Variants in LMCD1 observed in about 807,000 individuals in gnomAD.
LMCD1 encodes LIM and cysteine rich domains 1.
LMCD1 carries 32 observed loss-of-function variants against 42.7 expected under a neutral mutation model. The ratio of observed to expected loss-of-function variants is 0.75; its 90% CI spans 0.57 to 1.01. The LOEUF (loss-of-function observed/expected upper bound fraction) is 1.01, where lower values mean the gene tolerates loss of function less well. LMCD1 is among the 50% of genes least tolerant of loss of function. The pLI is 0.00. For missense variants in LMCD1, 458 were observed against 483.1 expected (o/e 0.95, Z 0.49); for synonymous variants, 178 against 184.9 (o/e 0.96, Z 0.30).
At position 8,506,456 on chromosome 3, in the gene LMCD1, T is replaced by C. The variant is rs866063623; in HGVS notation, c.42+4476T>C. Among the ~76,000 whole-genome samples the C allele has an allele frequency of 2.6e-5, 4 of 152,118 alleles. No homozygotes were observed. The South Asian group carries it at 8.3e-4, about 32-fold the overall frequency. Reference sequence around the variant, plus strand: ...GAGGGGCTGCACACAGGCTTTTGTGTGTGTCTTTCCTTCCGCCCTTACGCA... The same window carrying C: ...GAGGGGCTGCACACAGGCTTTTGTGCGTGTCTTTCCTTCCGCCCTTACGCA... On this transcript the variant is annotated intron_variant, in intron 1 of 5. Transcript: ENST00000157600.
chr3:8,551,234 G>C (rs1243091763), intron 4 of LMCD1: 1 of 984,312 alleles, frequency 1.0e-6, no homozygotes, highest in African/African-American at 1.7e-5. Flanking sequence ...TATTTGCATT[G>C]ATATACATAG....
intron 1 of LMCD1, among the ~76,000 whole-genome samples, chr3:8,519,510 C>T (rs958848487): frequency 4.6e-5 from 7 of 152,070 alleles, no homozygotes; most frequent in Middle Eastern, 3.2e-3. Flanking sequence ...TTATTTGCAA[C>T]GTGAAGGACC....
At chr3:8,545,553 T>C (rs1300940815) in intron 3 of LMCD1, among the ~76,000 whole-genome samples, 1 of 152,184 alleles carries the variant, frequency 6.6e-6, no homozygotes, top group Non-Finnish European at 1.5e-5. Context: ...ATCTCACTAA[T>C]TTTTTTGTTT....
intron 4 of LMCD1, 82 bp from the exon 5 acceptor site, chr3:8,565,350 A>ATTCT (rs879360180): frequency 2.3e-4 from 287 of 1,252,424 alleles, no homozygotes; most frequent in Admixed American, 4.0e-4. Flanking sequence ...AGGAAGTAGA[A>ATTCT]AGGCTGGAGC....
chr3:8,554,222 T>C (rs1255110089), intron 4 of LMCD1, among the ~76,000 whole-genome samples: 1 of 152,100 alleles, frequency 6.6e-6, no homozygotes, highest in Non-Finnish European at 1.5e-5. Context: ...AGGTTGGGGT[T>C]GTGATACCCA....
intron 1 of LMCD1, among the ~76,000 whole-genome samples, chr3:8,510,812 ATT>A: frequency 6.6e-6 from 1 of 152,316 alleles, no homozygotes; most frequent in South Asian, 2.1e-4. Flanking sequence ...TTTTCTTTGT[ATT>A]TTTATCTTAT....
At chr3:8,563,105 T>C (rs1255314456) in intron 4 of LMCD1, among the ~76,000 whole-genome samples, 1 of 152,224 alleles carries the variant, frequency 6.6e-6, no homozygotes, top group East Asian at 1.9e-4. Flanking sequence ...AAATATTTAT[T>C]GTTCATCTAC....
chr3:8,537,883 T>C (rs1264305088), intron 3 of LMCD1, among the ~76,000 whole-genome samples: 1 of 152,192 alleles, frequency 6.6e-6, no homozygotes, highest in Non-Finnish European at 1.5e-5. Flanking sequence ...TGCTGAAACC[T>C]ATTGGTCTTA....
chr3:8,531,840 GC>G (rs1178097799), intron 1 of LMCD1, among the ~76,000 whole-genome samples: 3 of 152,154 alleles, frequency 2.0e-5, no homozygotes, highest in African/African-American at 4.8e-5. Context: ...AGTTGATTGA[GC>G]CCTGCTTCAG....
At chr3:8,521,264 G>T (rs1449404069) in intron 1 of LMCD1, among the ~76,000 whole-genome samples, 1 of 152,148 alleles carries the variant, frequency 6.6e-6, no homozygotes, top group Non-Finnish European at 1.5e-5. Flanking sequence ...TCAACAAGGA[G>T]CCCGTGTCCT....
chr3:8,501,881 G>A lies in LMCD1; in HGVS notation c.-58G>A. Reference sequence around the variant, plus strand: ...CCATTCAGCCGCCGCTGTCCCCGCTGCGCGCCCTCGCGCCTCTGCCTGAGA... The same window carrying A: ...CCATTCAGCCGCCGCTGTCCCCGCTACGCGCCCTCGCGCCTCTGCCTGAGA... On this transcript the variant is annotated 5_prime_UTR_variant, in exon 1 of 6. Coordinates refer to ENST00000157600, the MANE Select transcript of LMCD1 (RefSeq NM_014583.4). 1 of 1,524,514 alleles carries A rather than the reference G, an allele frequency of 6.6e-7. No homozygotes were observed. Among genetic ancestry groups the A allele is most frequent in the Non-Finnish European group, 8.9e-7 (1 of 1,123,072 alleles). The allele number at this position is 1,524,514 out of a possible 1,614,324, so 94.4% of individuals were successfully genotyped here.
chr3:8,545,322 A>C (rs1248435643), intron 3 of LMCD1, among the ~76,000 whole-genome samples: 1 of 152,216 alleles, frequency 6.6e-6, no homozygotes, highest in African/African-American at 2.4e-5. Flanking sequence ...GCAAATCTAA[A>C]ATGATCATCT....
chr3:8,537,823 C>T (rs1463989180), intron 3 of LMCD1, among the ~76,000 whole-genome samples: 1 of 152,174 alleles, frequency 6.6e-6, no homozygotes, highest in African/African-American at 2.4e-5. Context: ...GGGATATGCC[C>T]TTTGCAAACC....
intron 4 of LMCD1, among the ~76,000 whole-genome samples, chr3:8,553,476 G>A (rs370722424): frequency 4.6e-4 from 70 of 152,338 alleles, no homozygotes; most frequent in African/African-American, 1.7e-3. Flanking sequence ...TGGTGGCCAG[G>A]TTGCAGGACA....
At chr3:8,502,982 T>C (rs1244685744) in intron 1 of LMCD1, among the ~76,000 whole-genome samples, 1 of 152,160 alleles carries the variant, frequency 6.6e-6, no homozygotes, top group African/African-American at 2.4e-5. Context: ...CCTGCCACTT[T>C]TTAACTGCAC....
chr3:8,525,165 C>G lies in LMCD1; in HGVS notation c.43-7572C>G, dbSNP rs528979624. On this transcript the variant is annotated intron_variant, in intron 1 of 5. Transcript: ENST00000157600. ...ACTTACTCATCCTGCCTAATTGAAACTTTGTACCCTTTGACCAACATCCTC... is the reference window on the plus strand; with the variant it reads ...ACTTACTCATCCTGCCTAATTGAAAGTTTGTACCCTTTGACCAACATCCTC... Among the ~76,000 whole-genome samples, 445 of 152,316 alleles carry G rather than the reference C, an allele frequency of 2.9e-3. 1 individual carries two copies. Among genetic ancestry groups the G allele is most frequent in the African/African-American group, 9.7e-3 (405 of 41,576 alleles).
chr3:8,570,462 C>CA lies in LMCD1; in HGVS notation c.*2865dup, dbSNP rs1695195180. The stretch of plus-strand genomic sequence containing the variant: ...TCCCACAACAGTCCCCATGGGGCAC[C>CA]ACCCAGCACCTGCCCCTGCCTTTCT... On this transcript the variant is annotated 3_prime_UTR_variant, in exon 6 of 6. Transcript: ENST00000157600. 6.6e-6 allele frequency: 1 copy of CA among 152,382 alleles called. No homozygotes were observed. The highest frequency in any genetic ancestry group is 2.4e-5 in the African/African-American group (1 of 41,446). The allele number at this position is 152,382 out of a possible 1,614,324, so 9.4% of individuals were successfully genotyped here. A position where few individuals can be genotyped will look rare whatever the true frequency, so the allele number is the denominator to read the frequency against.
intron 1 of LMCD1, among the ~76,000 whole-genome samples, chr3:8,524,812 G>A (rs1559347961): frequency 6.6e-6 from 1 of 151,840 alleles, no homozygotes; most frequent in African/African-American, 2.4e-5. Context: ...AGCCTCCTGA[G>A]TAGCTGGGAC....
At chr3:8,525,034 T>G (rs1388334455) in intron 1 of LMCD1, among the ~76,000 whole-genome samples, 1 of 152,168 alleles carries the variant, frequency 6.6e-6, no homozygotes, top group African/African-American at 2.4e-5. Context: ...TCAAACTAAT[T>G]TTTTTACATG....
Sources: gnomAD v4.1 joint callset for allele counts (sites outside exome capture counted in the v4.1 genomes callset) on GRCh38, gnomAD v4.1.1 for gene constraint, MANE v1.5 for transcripts, NCBI Gene and HGNC (gene_info 2026-07-23, HGNC 2026-07-21) for gene names.